The following PTER variants were observed in gnomAD, a reference collection of about 807,000 sequenced individuals.
PTER encodes the protein phosphotriesterase related, also known as N-acetyltaurine hydrolase.
A neutral mutation model predicts 29.6 loss-of-function variants in PTER; 38 were observed. The observed-to-expected ratio is 1.28, with a 90% CI of 0.99 to 1.68. PTER has a LOEUF of 1.68. PTER is among the 40% of genes most tolerant of loss of function. The pLI is 0.00. For synonymous variants in PTER, 172 were observed against 154.5 expected (o/e 1.11, Z -0.84); for missense variants, 482 against 427.8 (o/e 1.13, Z -1.12).
At chr10:16,450,796 G>A (rs1173382927) in intron 1 of PTER, among the ~76,000 whole-genome samples, 2 of 152,124 alleles carry the variant, frequency 1.3e-5, no homozygotes, top group African/African-American at 4.8e-5. Context: ...CAACTTTATT[G>A]TATTCCTTGG....
intron 3 of PTER, among the ~76,000 whole-genome samples, chr10:16,491,689 A>G (rs45524733): frequency 0.027 from 4,057 of 152,228 alleles, 70 homozygotes; most frequent in Non-Finnish European, 0.043. Context: ...ATCTGAGGCT[A>G]CCTTGTGATT....
intron 1 of PTER, among the ~76,000 whole-genome samples, chr10:16,478,251 G>A (rs972924058): frequency 1.3e-5 from 2 of 151,758 alleles, no homozygotes; most frequent in Non-Finnish European, 2.9e-5. Flanking sequence ...ACTCTAGGAT[G>A]TTACTATAGT....
chr10:16,499,993 C>T (rs1003492922), intron 3 of PTER, among the ~76,000 whole-genome samples: 1 of 152,014 alleles, frequency 6.6e-6, no homozygotes, highest in Non-Finnish European at 1.5e-5. Context: ...GGCTTGGCCT[C>T]CCAAAGTGCT....
At chr10:16,491,640 C>G (rs1412320273) in intron 3 of PTER, among the ~76,000 whole-genome samples, 2 of 152,118 alleles carry the variant, frequency 1.3e-5, no homozygotes, top group African/African-American at 2.4e-5. Context: ...TTCATTTCCC[C>G]CATCATGCCT....
chr10:16,516,753 A>G (rs1355487037), downstream of PTER, among the ~76,000 whole-genome samples: 1 of 152,204 alleles, frequency 6.6e-6, no homozygotes, highest in African/African-American at 2.4e-5. Flanking sequence ...CACCATTTTT[A>G]TTCAGTAGGC....
At chr10:16,463,980 A>G (rs1198537795) in intron 1 of PTER, among the ~76,000 whole-genome samples, 9 of 152,152 alleles carry the variant, frequency 5.9e-5, no homozygotes, top group Non-Finnish European at 1.3e-4. Flanking sequence ...AGTACATCCG[A>G]CGGTCCGGTC....
At chr10:16,504,175 G>A (rs1049408369) in intron 3 of PTER, among the ~76,000 whole-genome samples, 20 of 151,698 alleles carry the variant, frequency 1.3e-4, no homozygotes, top group East Asian at 1.9e-4. Context: ...TCTCTACAGT[G>A]GTATTTTGGG....
At chr10:16,514,315 G>A (rs1260604136), downstream of PTER, 4 of 571,798 alleles carry the variant, frequency 7.0e-6, no homozygotes, top group Non-Finnish European at 6.2e-6. Flanking sequence ...TTGCTTTGGC[G>A]GTAGTGGATC....
chr10:16,511,297 C>A lies in PTER; in HGVS notation c.*41C>A. 3 of 1,542,718 alleles carry A rather than the reference C, an allele frequency of 1.9e-6. No homozygotes were observed. The highest frequency in any genetic ancestry group is 2.7e-6 in the Non-Finnish European group (3 of 1,116,818). ...ATTCACACCTTGAGTATAAAACTTG[C>A]AGAGAACATTCAGCGATTTCCAGTC... On this transcript the variant is annotated 3_prime_UTR_variant, in exon 5 of 5. Coordinates refer to ENST00000535784, the MANE Select transcript of PTER (RefSeq NM_001261836.2).
intron 1 of PTER, among the ~76,000 whole-genome samples, chr10:16,446,758 A>G (rs747117292): frequency 8.0e-5 from 12 of 150,806 alleles, no homozygotes; most frequent in Non-Finnish European, 1.5e-4. Flanking sequence ...CAAGATTGTA[A>G]GACATTTTTG....
chr10:16,458,849 A>G (rs570748878), intron 1 of PTER, among the ~76,000 whole-genome samples: 1 of 152,260 alleles, frequency 6.6e-6, no homozygotes, highest in African/African-American at 2.4e-5. Flanking sequence ...CACAACCACT[A>G]ACATTGACAG....
chr10:16,500,955 A>C (rs1478247009), intron 3 of PTER, among the ~76,000 whole-genome samples: 4 of 151,978 alleles, frequency 2.6e-5, no homozygotes. Flanking sequence ...TTTTTGAGAC[A>C]CAGTCTCACT....
At chr10:16,475,411 C>T (rs75171599) in intron 1 of PTER, among the ~76,000 whole-genome samples, 2 of 152,206 alleles carry the variant, frequency 1.3e-5, no homozygotes, top group Admixed American at 1.3e-4. Flanking sequence ...GCTGGAGACT[C>T]TCTTTCTCTC....
intron 1 of PTER, among the ~76,000 whole-genome samples, chr10:16,460,769 C>T (rs943299119): frequency 1.3e-5 from 2 of 151,986 alleles, no homozygotes; most frequent in African/African-American, 4.8e-5. Flanking sequence ...AATAGAGTCT[C>T]ACTCTGTTGC....
chr10:16,486,296 T>C, intron 2 of PTER, 56 bp from the exon 3 acceptor site: 5 of 1,462,046 alleles, frequency 3.4e-6, no homozygotes, highest in Admixed American at 2.0e-5. Context: ...CTGTGGTGGA[T>C]CTATTTTGAT....
At position 16,484,615 on chromosome 10, in the gene PTER, A is replaced by G. The variant is rs1835614788; in HGVS notation, c.231A>G (p.Thr77=). The G allele has an allele frequency of 6.2e-7, 1 of 1,614,204 alleles. No individual in the cohort carries two copies. Among genetic ancestry groups the G allele is most frequent in the Non-Finnish European group, 8.5e-7 (1 of 1,180,020 alleles). ...HKENLQLNQE[T]EAIKEELLYF... ...AAAACCTTCAATTAAATCAGGAGACAGAAGCCATAAAGGAAGAACTGTTGT... is the reference window on the plus strand; with the variant it reads ...AAAACCTTCAATTAAATCAGGAGACGGAAGCCATAAAGGAAGAACTGTTGT... Residue 77 remains threonine, a synonymous_variant, in exon 2 of 5, where the codon ACA becomes ACG. Transcript: ENST00000535784.
At chr10:16,442,548 T>C (rs1833884127) in intron 1 of PTER, among the ~76,000 whole-genome samples, 2 of 152,112 alleles carry the variant, frequency 1.3e-5, no homozygotes, top group African/African-American at 4.8e-5. Flanking sequence ...GGCGGGAGGA[T>C]TGCTTGAGCT....
downstream of PTER, among the ~76,000 whole-genome samples, chr10:16,518,730 T>G (rs1011975848): frequency 6.6e-6 from 1 of 152,200 alleles, no homozygotes; most frequent in Non-Finnish European, 1.5e-5. Context: ...TCATTTCATT[T>G]TAATTGATAC....
At chr10:16,514,721 A>G (rs1331668086), downstream of PTER, 1 of 1,596,910 alleles carries the variant, frequency 6.3e-7, no homozygotes, top group Non-Finnish European at 8.5e-7. Flanking sequence ...TGTGAAACAG[A>G]CAAGAATTAG....
Sources: allele counts gnomAD v4.1 joint callset (sites outside exome capture counted in the v4.1 genomes callset), GRCh38; gene constraint gnomAD v4.1.1; transcripts MANE v1.5; gene names NCBI Gene and HGNC (gene_info 2026-07-23, HGNC 2026-07-21).